The following PBX1 variants were observed in gnomAD, a reference collection of about 807,000 sequenced individuals.
The protein encoded by PBX1 is pre-B-cell leukemia transcription factor 1.
PBX1 carries 6 observed loss-of-function variants against 53.4 expected under a neutral mutation model. That is an observed-to-expected ratio of 0.11 (90% CI 0.06 to 0.22). PBX1 has a LOEUF of 0.22. Among genes scored for constraint, PBX1 ranks in the 10% least tolerant of loss-of-function variants. The probability of loss-of-function intolerance (pLI) is 1.00; values close to 1 mark genes in which losing one functional copy is unlikely to be tolerated. For missense variants in PBX1, 251 were observed against 551.4 expected (o/e 0.46, Z 5.46); for synonymous variants, 204 against 212.3 (o/e 0.96, Z 0.34).
chr1:164,582,975 C>G (rs185449216), intron 2 of PBX1, among the ~76,000 whole-genome samples: 83 of 152,142 alleles, frequency 5.5e-4, no homozygotes, highest in Admixed American at 2.8e-3. Flanking sequence ...TGAATTGAAA[C>G]ACTGTTTTAT....
intron 3 of PBX1, among the ~76,000 whole-genome samples, chr1:164,799,299 G>C (rs1482665010): frequency 1.3e-5 from 2 of 152,086 alleles, no homozygotes; most frequent in Non-Finnish European, 2.9e-5. Flanking sequence ...GACCATCCTG[G>C]CTAACACAGT....
At position 164,699,889 on chromosome 1, in the gene PBX1, A is replaced by T. The variant is rs185560234; in HGVS notation, c.266-92605A>T. On this transcript the variant is annotated intron_variant, in intron 2 of 8. Transcript: ENST00000420696. ...CTCAGTTGCTGCTCTGGAAGCCCGG[A>T]GTTGACAGAGCGGTTTTGTAGAATA... Among the ~76,000 whole-genome samples, 20 of 152,274 alleles carry T rather than the reference A, an allele frequency of 1.3e-4. No individual in the cohort carries two copies. In the East Asian group the frequency reaches 3.3e-3, roughly 25 times the overall value.
chr1:164,770,501 C>T (rs1667310447), intron 2 of PBX1: 2 of 152,226 alleles, frequency 1.3e-5, no homozygotes, highest in Admixed American at 1.3e-4. Context: ...GCTGGGATGT[C>T]TTGCAGCATG....
chr1:164,602,105 C>G (rs1656214666), intron 2 of PBX1, among the ~76,000 whole-genome samples: 1 of 152,230 alleles, frequency 6.6e-6, no homozygotes, highest in African/African-American at 2.4e-5. Context: ...TTCCAGGACT[C>G]CTGTGTTTTG....
intron 5 of PBX1, among the ~76,000 whole-genome samples, chr1:164,808,935 G>A (rs1447542556): frequency 2.6e-5 from 4 of 152,134 alleles, no homozygotes; most frequent in South Asian, 2.1e-4. Flanking sequence ...TCTGGGAAAC[G>A]GGAACGTCAG....
intron 8 of PBX1, among the ~76,000 whole-genome samples, chr1:164,840,027 G>T (rs988151252): frequency 6.6e-6 from 1 of 152,100 alleles, no homozygotes; most frequent in Admixed American, 6.6e-5. Context: ...GTAGTAGTTG[G>T]TGAGCTGAGG....
Position 164,690,216 on chromosome 1 carries a change from G to T in PBX1, c.266-102278G>T, listed in dbSNP as rs1483991603. 2.0e-5 allele frequency among the ~76,000 whole-genome samples: 3 copies of T among 152,198 alleles called. No individual in the cohort carries two copies. The South Asian group carries it at 6.2e-4, about 32-fold the overall frequency. On this transcript the variant is annotated intron_variant, in intron 2 of 8. Coordinates refer to ENST00000420696, the MANE Select transcript of PBX1 (RefSeq NM_002585.4). ...TTTCATTATCTCTGCCACATCGGATGCAGGATGGGGGTGGGAGAGGGAGGG... is the reference window on the plus strand; with the variant it reads ...TTTCATTATCTCTGCCACATCGGATTCAGGATGGGGGTGGGAGAGGGAGGG...
intron 8 of PBX1, among the ~76,000 whole-genome samples, chr1:164,845,011 C>G (rs1671499060): frequency 6.6e-6 from 1 of 152,098 alleles, no homozygotes; most frequent in Non-Finnish European, 1.5e-5. Context: ...TTTGCTGACC[C>G]AAGATTGGGG....
At chr1:164,876,892 A>G (rs966581006) in intron 2 of PBX1, among the ~76,000 whole-genome samples, 8 of 152,190 alleles carry the variant, frequency 5.3e-5, no homozygotes, top group African/African-American at 1.4e-4. Flanking sequence ...TACACCCAAT[A>G]ACTGCTCCTC....
At chr1:164,754,684 C>T (rs192253163) in intron 2 of PBX1, among the ~76,000 whole-genome samples, 69 of 151,998 alleles carry the variant, frequency 4.5e-4, no homozygotes, top group African/African-American at 1.4e-3. Context: ...CGTGCACGTG[C>T]GTGCGTGTGT....
Position 164,847,703 on chromosome 1 carries a change from A to G in PBX1, c.*1027A>G, listed in dbSNP as rs184230234. On this transcript the variant is annotated 3_prime_UTR_variant, in exon 9 of 9. Coordinates refer to ENST00000420696, the MANE Select transcript of PBX1 (RefSeq NM_002585.4). Reference sequence around the variant, plus strand: ...ATGCCATATACAATTACCTACATTAATAACTGTAGCACTATGCCTTTTGAG... The same window carrying G: ...ATGCCATATACAATTACCTACATTAGTAACTGTAGCACTATGCCTTTTGAG... 3.8e-6 allele frequency: 4 copies of G among 1,056,558 alleles called. No individual in the cohort carries two copies. The highest frequency in any genetic ancestry group is 1.6e-5 in the African/African-American group (1 of 60,626). The allele number at this position is 1,056,558 out of a possible 1,614,324, so 65.4% of individuals were successfully genotyped here. A position where few individuals can be genotyped will look rare whatever the true frequency, so the allele number is the denominator to read the frequency against.
chr1:164,710,149 T>G (rs953033082), intron 2 of PBX1, among the ~76,000 whole-genome samples: 1 of 152,242 alleles, frequency 6.6e-6, no homozygotes, highest in African/African-American at 2.4e-5. Context: ...CTATTGTGAC[T>G]GTTTCTTCGT....
chr1:164,865,588 T>C (rs959217333), intron 2 of PBX1, among the ~76,000 whole-genome samples: 1 of 152,210 alleles, frequency 6.6e-6, no homozygotes, highest in Non-Finnish European at 1.5e-5. Context: ...AAGTAGGTGC[T>C]ATTATTATAT....
chr1:164,602,764 C>T (rs1656267879), intron 2 of PBX1, among the ~76,000 whole-genome samples: 1 of 151,694 alleles, frequency 6.6e-6, no homozygotes, highest in Non-Finnish European at 1.5e-5. Flanking sequence ...CGAAAGGGCT[C>T]TTGCCTTTGA....
downstream of PBX1, among the ~76,000 whole-genome samples, chr1:164,854,806 T>C (rs1671942097): frequency 1.3e-5 from 2 of 152,160 alleles, no homozygotes; most frequent in African/African-American, 4.8e-5. Flanking sequence ...CTCTTATTTC[T>C]GGATGCTTCT....
At chr1:164,571,987 A>G (rs1281822379) in intron 2 of PBX1, among the ~76,000 whole-genome samples, 2 of 144,742 alleles carry the variant, frequency 1.4e-5, no homozygotes, top group Admixed American at 7.1e-5. Context: ...GCTCACCACA[A>G]TCTCTGCTTC....
intron 2 of PBX1, among the ~76,000 whole-genome samples, chr1:164,755,850 C>A (rs1297453564): frequency 1.3e-5 from 2 of 151,954 alleles, no homozygotes; most frequent in Non-Finnish European, 2.9e-5. Context: ...CCATGTAACT[C>A]CCTGGCTCCT....
intron 2 of PBX1, among the ~76,000 whole-genome samples, chr1:164,618,869 C>G (rs367692876): frequency 2.0e-5 from 3 of 152,178 alleles, no homozygotes; most frequent in Non-Finnish European, 4.4e-5. Context: ...TATGGACTTG[C>G]GTTGTTCTTC....
intron 2 of PBX1, among the ~76,000 whole-genome samples, chr1:164,640,795 C>T (rs1219220502): frequency 6.6e-6 from 1 of 151,988 alleles, no homozygotes; most frequent in Admixed American, 6.6e-5. Context: ...TGAGCTCAGG[C>T]AATCCGCCTG....
Sources: gnomAD v4.1 joint callset for allele counts (sites outside exome capture counted in the v4.1 genomes callset) on GRCh38, gnomAD v4.1.1 for gene constraint, MANE v1.5 for transcripts, NCBI Gene and HGNC (gene_info 2026-07-23, HGNC 2026-07-21) for gene names.